The following ARHGAP15 variants were observed in gnomAD, a reference collection of about 807,000 sequenced individuals.
ARHGAP15 encodes the protein rho GTPase-activating protein 15.
ARHGAP15 carries 51 observed loss-of-function variants against 63.7 expected under a neutral mutation model. That is an observed-to-expected ratio of 0.80 (90% CI 0.64 to 1.01). ARHGAP15 has a LOEUF of 1.01. Ranked by LOEUF, ARHGAP15 falls within the 50% of genes least tolerant of loss-of-function variation. The probability of loss-of-function intolerance (pLI) is 0.00; values close to 1 mark genes in which losing one functional copy is unlikely to be tolerated. For missense variants in ARHGAP15, 560 were observed against 564.6 expected (o/e 0.99, Z 0.08); for synonymous variants, 191 against 193.8 (o/e 0.99, Z 0.12).
At chr2:143,710,524 G>A (rs764110077) in intron 13 of ARHGAP15, among the ~76,000 whole-genome samples, 18 of 152,132 alleles carry the variant, frequency 1.2e-4, no homozygotes, top group Non-Finnish European at 2.5e-4. Context: ...GAAGGCTGTG[G>A]GAGATAAGGT....
At chr2:143,687,545 A>C (rs1683405981) in intron 12 of ARHGAP15, among the ~76,000 whole-genome samples, 1 of 152,152 alleles carries the variant, frequency 6.6e-6, no homozygotes, top group Non-Finnish European at 1.5e-5. Flanking sequence ...ACGCCCAATA[A>C]CTTCACCCAG....
At chr2:143,406,728 T>C (rs942404279) in intron 6 of ARHGAP15, among the ~76,000 whole-genome samples, 2 of 151,990 alleles carry the variant, frequency 1.3e-5, no homozygotes, top group African/African-American at 2.4e-5. Flanking sequence ...TCATAATACA[T>C]GAATTTCATA....
intron 13 of ARHGAP15, among the ~76,000 whole-genome samples, chr2:143,721,933 G>A (rs1166408522): frequency 4.6e-5 from 7 of 151,982 alleles, no homozygotes; most frequent in African/African-American, 7.2e-5. Context: ...GCAATCCACC[G>A]GCCTCGGCCT....
At chr2:143,331,400 A>G (rs1574288198) in intron 6 of ARHGAP15, among the ~76,000 whole-genome samples, 2 of 152,042 alleles carry the variant, frequency 1.3e-5, no homozygotes, top group Non-Finnish European at 2.9e-5. Context: ...TTAACTATAC[A>G]TATTTGTTTA....
At chr2:143,411,600 G>A (rs948419245) in intron 6 of ARHGAP15, among the ~76,000 whole-genome samples, 2 of 152,064 alleles carry the variant, frequency 1.3e-5, no homozygotes, top group African/African-American at 2.4e-5. Flanking sequence ...GCAGAGTAAC[G>A]CATGGCACTC....
intron 8 of ARHGAP15, among the ~76,000 whole-genome samples, chr2:143,479,439 C>T (rs1469197547): frequency 1.3e-5 from 2 of 151,754 alleles, no homozygotes; most frequent in African/African-American, 4.8e-5. Context: ...TAGAAGAGAA[C>T]CCATTCCTGT....
chr2:143,606,122 A>T (rs528696191), intron 11 of ARHGAP15, among the ~76,000 whole-genome samples: 2 of 143,142 alleles, frequency 1.4e-5, no homozygotes, highest in African/African-American at 5.3e-5. Flanking sequence ...AAATGATTTT[A>T]TACTACTTTT....
rs116716096 is a variant in ARHGAP15, at chr2:143,192,821, G to A, written c.166-9313G>A. 3.9e-3 allele frequency among the ~76,000 whole-genome samples: 588 copies of A among 152,262 alleles called. 3 individuals carry two copies. Among genetic ancestry groups the A allele is most frequent in the African/African-American group, 0.013 (537 of 41,540 alleles). On this transcript the variant is annotated intron_variant, in intron 2 of 13. Coordinates refer to ENST00000295095, the MANE Select transcript of ARHGAP15 (RefSeq NM_018460.4). ...TTGCTGTTGTATGTGCCTTTTTAAT[G>A]CAAGGCAAATGATTTGTGCTGGAAC...
At chr2:143,228,448 A>G in intron 4 of ARHGAP15, 133 bp from the exon 5 acceptor site, 1 of 459,200 alleles carries the variant, frequency 2.2e-6, no homozygotes, top group Non-Finnish European at 3.8e-6. Flanking sequence ...GATTTTAATA[A>G]AGAGGAGACT....
At chr2:143,389,946 T>C (rs757647820) in intron 6 of ARHGAP15, among the ~76,000 whole-genome samples, 1 of 152,012 alleles carries the variant, frequency 6.6e-6, no homozygotes, top group East Asian at 1.9e-4. Context: ...GCAAAAAGCT[T>C]TTCATGGTAT....
intron 6 of ARHGAP15, among the ~76,000 whole-genome samples, chr2:143,424,172 T>C (rs1022582290): frequency 1.3e-5 from 2 of 152,062 alleles, no homozygotes; most frequent in African/African-American, 4.8e-5. Flanking sequence ...TCTGATTCTT[T>C]TAGGTCCTAG....
At chr2:143,487,234 GGCTT>G (rs1294776486) in intron 8 of ARHGAP15, 135 bp from the exon 9 acceptor site, 3 of 963,922 alleles carry the variant, frequency 3.1e-6, no homozygotes, top group Non-Finnish European at 4.5e-6. Flanking sequence ...TTACTCACAT[GGCTT>G]GTTGTAGACA....
intron 6 of ARHGAP15, among the ~76,000 whole-genome samples, chr2:143,334,327 A>G (rs1684679392): frequency 1.3e-5 from 2 of 152,286 alleles, no homozygotes; most frequent in Admixed American, 1.3e-4. Context: ...CTTTTTTCTC[A>G]ACATGGAGTG....
chr2:143,463,162 G>A (rs1373075293), intron 8 of ARHGAP15, among the ~76,000 whole-genome samples: 1 of 151,908 alleles, frequency 6.6e-6, no homozygotes, highest in African/African-American at 2.4e-5. Context: ...CTTCCAGTGT[G>A]GCCCAGGGAG....
At chr2:143,147,545 G>A (rs1426306004) in intron 1 of ARHGAP15, among the ~76,000 whole-genome samples, 1 of 151,846 alleles carries the variant, frequency 6.6e-6, no homozygotes, top group Non-Finnish European at 1.5e-5. Context: ...CTTCCTATTT[G>A]CTTTTCAATT....
intron 6 of ARHGAP15, among the ~76,000 whole-genome samples, chr2:143,309,690 G>A (rs747084396): frequency 2.0e-5 from 3 of 151,904 alleles, no homozygotes; most frequent in South Asian, 2.1e-4. Context: ...ACCTAGGCAC[G>A]CTTAATATTT....
At chr2:143,239,064 A>G (rs2104941369) in intron 5 of ARHGAP15, among the ~76,000 whole-genome samples, 1 of 152,302 alleles carries the variant, frequency 6.6e-6, no homozygotes, top group Middle Eastern at 3.4e-3. Context: ...ATCAGGAAGA[A>G]TAGCTAATAG....
At chr2:143,603,440 C>G (rs1315770345) in intron 11 of ARHGAP15, among the ~76,000 whole-genome samples, 1 of 152,142 alleles carries the variant, frequency 6.6e-6, no homozygotes, top group Non-Finnish European at 1.5e-5. Context: ...TAGAGAAAGT[C>G]AAATTAGGGA....
chr2:143,165,967 A>AAAGAAAGG lies in ARHGAP15; in HGVS notation c.165+10319_165+10320insGAAGAAAG, dbSNP rs1690491547. ...AGAAGAAAGAAAGAAAGAGAGAAAG[A>AAAGAAAGG]AAGAAAGAAAGAAAGAAAGAAAGAA... On this transcript the variant is annotated intron_variant, in intron 2 of 13. Coordinates refer to ENST00000295095, the MANE Select transcript of ARHGAP15 (RefSeq NM_018460.4). Among the ~76,000 whole-genome samples, 4 of 126,988 alleles carry AAAGAAAGG rather than the reference A, an allele frequency of 3.1e-5. No homozygotes were observed. The South Asian group carries it at 1.0e-3, about 32-fold the overall frequency. 83.3% of individuals were successfully genotyped at this position (126,988 alleles called of 152,430 possible).
Sources: gnomAD v4.1 joint callset for allele counts (sites outside exome capture counted in the v4.1 genomes callset) on GRCh38, gnomAD v4.1.1 for gene constraint, MANE v1.5 for transcripts, NCBI Gene and HGNC (gene_info 2026-07-23, HGNC 2026-07-21) for gene names.